NR2F1-AS1: variants seen among roughly 807,000 people sequenced by gnomAD.
NR2F1-AS1 encodes NR2F1 antisense RNA 1.
intron 4 of NR2F1-AS1, among the ~76,000 whole-genome samples, chr5:93,456,786 G>A (rs1210299201): frequency 9.2e-5 from 14 of 152,042 alleles, no homozygotes; most frequent in Non-Finnish European, 5.9e-5. Context: ...CTACCATATC[G>A]GAGAGGGGGA....
At chr5:93,443,806 T>C (rs985355391) in intron 4 of NR2F1-AS1, among the ~76,000 whole-genome samples, 7 of 152,168 alleles carry the variant, frequency 4.6e-5, no homozygotes, top group African/African-American at 1.4e-4. Flanking sequence ...GAAAGAAAGG[T>C]TGGGTTACCC....
intron 4 of NR2F1-AS1, among the ~76,000 whole-genome samples, chr5:93,436,143 G>A (rs1481283867): frequency 6.6e-6 from 1 of 152,132 alleles, no homozygotes; most frequent in East Asian, 1.9e-4. Context: ...TTCTCTAAAA[G>A]AAAATCTGTT....
intron 4 of NR2F1-AS1, among the ~76,000 whole-genome samples, chr5:93,457,462 T>A (rs1008314431): frequency 9.2e-5 from 14 of 152,162 alleles, no homozygotes; most frequent in Non-Finnish European, 1.5e-4. Flanking sequence ...GGTTACAGAT[T>A]AACAGCATCT....
intron 4 of NR2F1-AS1, chr5:93,423,366 A>G (rs1188104701): frequency 6.6e-6 from 1 of 152,164 alleles, no homozygotes; most frequent in East Asian, 1.9e-4. Flanking sequence ...TCTGCCAGTA[A>G]AGTCTATTCA....
intron 4 of NR2F1-AS1, among the ~76,000 whole-genome samples, chr5:93,523,171 G>A (rs568722961): frequency 1.3e-5 from 2 of 152,248 alleles, no homozygotes; most frequent in South Asian, 4.2e-4. Flanking sequence ...GGGGAGGGGT[G>A]TCTGCCATTA....
chr5:93,462,018 G>C (rs981223737), intron 4 of NR2F1-AS1, among the ~76,000 whole-genome samples: 1 of 152,142 alleles, frequency 6.6e-6, no homozygotes, highest in Admixed American at 6.5e-5. Context: ...GTTTGCATTG[G>C]GGAAAGTGTT....
At chr5:93,567,266 G>C (rs1752640817) in intron 1 of NR2F1-AS1, among the ~76,000 whole-genome samples, 1 of 151,776 alleles carries the variant, frequency 6.6e-6, no homozygotes, top group South Asian at 2.1e-4. Context: ...TACAAATTAG[G>C]GAAAATTTTT....
chr5:93,522,038 T>G (rs1451171497), intron 4 of NR2F1-AS1, among the ~76,000 whole-genome samples: 1 of 152,204 alleles, frequency 6.6e-6, no homozygotes, highest in Non-Finnish European at 1.5e-5. Flanking sequence ...TAAAAAAGAA[T>G]AAGATCATAT....
At chr5:93,437,383 T>C (rs957917003) in intron 4 of NR2F1-AS1, among the ~76,000 whole-genome samples, 1 of 152,230 alleles carries the variant, frequency 6.6e-6, no homozygotes, top group Non-Finnish European at 1.5e-5. Context: ...TAAAGTATAT[T>C]ATAAAAATTA....
intron 4 of NR2F1-AS1, among the ~76,000 whole-genome samples, chr5:93,480,253 A>G (rs1478443701): frequency 6.6e-6 from 1 of 152,162 alleles, no homozygotes; most frequent in African/African-American, 2.4e-5. Flanking sequence ...ACAGAGAAAA[A>G]TCTTGAAATC....
intron 1 of NR2F1-AS1, among the ~76,000 whole-genome samples, chr5:93,575,469 T>C (rs950915565): frequency 6.6e-6 from 1 of 152,240 alleles, no homozygotes; most frequent in African/African-American, 2.4e-5. Flanking sequence ...CATGTAAAAC[T>C]TTTAAACTGC....
chr5:93,486,947 C>CA (rs1409404838), intron 4 of NR2F1-AS1, among the ~76,000 whole-genome samples: 7 of 152,124 alleles, frequency 4.6e-5, no homozygotes, highest in African/African-American at 7.2e-5. Context: ...TCAACATATG[C>CA]AAATCAATAA....
At chr5:93,472,012 T>C (rs1343369122) in intron 4 of NR2F1-AS1, among the ~76,000 whole-genome samples, 1 of 151,890 alleles carries the variant, frequency 6.6e-6, no homozygotes. Context: ...CTTTATTTCA[T>C]TTAATCCTTA....
intron 4 of NR2F1-AS1, among the ~76,000 whole-genome samples, chr5:93,466,935 G>A (rs1327250943): frequency 8.8e-6 from 1 of 113,928 alleles, no homozygotes; most frequent in East Asian, 2.9e-4. Context: ...GAGTCTCACT[G>A]TGGTGCCCAG....
chr5:93,434,941 G>C (rs1227629314), intron 4 of NR2F1-AS1, among the ~76,000 whole-genome samples: 1 of 152,136 alleles, frequency 6.6e-6, no homozygotes, highest in Non-Finnish European at 1.5e-5. Flanking sequence ...CCAATTATTG[G>C]CAATGTTAAT....
At chr5:93,492,821 G>T (rs1750880178) in intron 4 of NR2F1-AS1, among the ~76,000 whole-genome samples, 1 of 150,720 alleles carries the variant, frequency 6.6e-6, no homozygotes, top group African/African-American at 2.4e-5. Flanking sequence ...AGGAGTATTT[G>T]ACAAAATTCT....
chr5:93,557,135 G>T (rs1405894131), intron 2 of NR2F1-AS1, among the ~76,000 whole-genome samples: 1 of 152,030 alleles, frequency 6.6e-6, no homozygotes, highest in Non-Finnish European at 1.5e-5. Context: ...AAACATCAGA[G>T]AATGTAATCA....
chr5:93,518,321 G>C (rs1397657622), intron 4 of NR2F1-AS1, among the ~76,000 whole-genome samples: 1 of 152,056 alleles, frequency 6.6e-6, no homozygotes, highest in Non-Finnish European at 1.5e-5. Flanking sequence ...CTTTTTCAAT[G>C]TTATTAGACT....
intron 1 of NR2F1-AS1, chr5:93,570,944 G>A (rs1045567699): frequency 1.3e-5 from 2 of 152,230 alleles, no homozygotes; most frequent in African/African-American, 4.8e-5. Flanking sequence ...GCCCCTACAA[G>A]GGATCCCAGT....
Sources: gnomAD v4.1 joint callset for allele counts (sites outside exome capture counted in the v4.1 genomes callset) on GRCh38, gnomAD v4.1.1 for gene constraint, MANE v1.5 for transcripts, NCBI Gene and HGNC (gene_info 2026-07-23, HGNC 2026-07-21) for gene names.